The following ATXN10 variants were observed in gnomAD, a reference collection of about 807,000 sequenced individuals.
ATXN10 encodes the protein ataxin-10.
ATXN10 carries 28 observed loss-of-function variants against 52.9 expected under a neutral mutation model. That is an observed-to-expected ratio of 0.53 (90% CI 0.39 to 0.73). The LOEUF (loss-of-function observed/expected upper bound fraction) is 0.73, where lower values mean the gene tolerates loss of function less well. ATXN10 is among the 30% of genes least tolerant of loss of function. The probability of loss-of-function intolerance (pLI) is 0.00; values close to 1 mark genes in which losing one functional copy is unlikely to be tolerated. For synonymous variants in ATXN10, 226 were observed against 221.5 expected, an observed-to-expected ratio of 1.02 and a Z score of -0.18; for missense variants, 565 against 577.0, an observed-to-expected ratio of 0.98 and a Z score of 0.21.
rs192349761 is a variant in ATXN10 at position 45,727,975 on chromosome 22, C to G, written c.729-1450C>G. ...CCTTTACTTTGATTCTGTAAGATTCCTTATGTTTTAGGTGAGTCTCTTGAA... is the reference window on the plus strand; with the variant it reads ...CCTTTACTTTGATTCTGTAAGATTCGTTATGTTTTAGGTGAGTCTCTTGAA... On this transcript the variant is annotated intron_variant, in intron 6 of 11. Coordinates refer to ENST00000252934, the MANE Select transcript of ATXN10 (RefSeq NM_013236.4). The surrounding 1 kb of genome is among the most constrained non-coding windows in gnomAD (Gnocchi z 4.6). Among the ~76,000 whole-genome samples the G allele has an allele frequency of 4.8e-4, 72 of 151,372 alleles. No homozygotes were observed. Among genetic ancestry groups the G allele is most frequent in the African/African-American group, 1.7e-3 (69 of 41,268 alleles).
chr22:45,753,812 C>G (rs575699008), intron 9 of ATXN10, among the ~76,000 whole-genome samples: 9 of 152,290 alleles, frequency 5.9e-5, no homozygotes, highest in African/African-American at 1.4e-4. Context: ...CCCTGGTCCC[C>G]CACTGAGATG....
intron 3 of ATXN10, among the ~76,000 whole-genome samples, chr22:45,697,078 C>G (rs150597579): frequency 2.6e-5 from 4 of 152,210 alleles, no homozygotes; most frequent in African/African-American, 9.6e-5. Context: ...AGTGAACAAT[C>G]GAGTGGCATT....
intron 5 of ATXN10, among the ~76,000 whole-genome samples, chr22:45,707,462 TA>T (rs1210626267): frequency 1.3e-5 from 2 of 152,130 alleles, no homozygotes; most frequent in East Asian, 3.8e-4. Flanking sequence ...TATGCAAATG[TA>T]ACATGACAGG....
rs80015751 is a variant in ATXN10, at chr22:45,756,362, C to T, written c.1173+15824C>T. 3.6e-3 allele frequency among the ~76,000 whole-genome samples: 544 copies of T among 152,200 alleles called. 3 individuals are homozygous for T. The highest frequency in any genetic ancestry group is 6.4e-3 in the Non-Finnish European group (438 of 68,006). ...GTCTTGCTGTGTTGCCTAGGCTAAT[C>T]TCGAGCCCCTGGGCTCGAGTGATCT... On this transcript the variant is annotated intron_variant, in intron 9 of 11. Coordinates refer to ENST00000252934, the MANE Select transcript of ATXN10 (RefSeq NM_013236.4).
In ATXN10 at chr22:45,766,616, A is replaced by G. The variant is rs911250573; in HGVS notation, c.1173+26078A>G. 6.6e-6 allele frequency among the ~76,000 whole-genome samples: 1 copy of G among 152,230 alleles called. No homozygotes were observed. Among genetic ancestry groups the G allele is most frequent in the African/African-American group, 2.4e-5 (1 of 41,466 alleles). Reference sequence around the variant, plus strand: ...ATGCAAGTATTAGGAGAAAACATGAATGAGTTCCGTTATATAACCTCCGAG... The same window carrying G: ...ATGCAAGTATTAGGAGAAAACATGAGTGAGTTCCGTTATATAACCTCCGAG... On this transcript the variant is annotated intron_variant, in intron 9 of 11. Coordinates refer to ENST00000252934, the MANE Select transcript of ATXN10 (RefSeq NM_013236.4). The surrounding 1 kb of genome is among the most constrained non-coding windows in gnomAD (Gnocchi z 4.6).
chr22:45,740,214 G>A (rs368037711), intron 8 of ATXN10, 155 bp from the exon 9 acceptor site: 1 of 726,644 alleles, frequency 1.4e-6, no homozygotes, highest in Non-Finnish European at 2.2e-6. Flanking sequence ...TTGAAGCAAA[G>A]GCAGAAGAGC....
chr22:45,727,331 A>ATCTATCTATC lies in ATXN10; in HGVS notation c.729-2093_729-2092insCTATCTATCT, dbSNP rs1555890579. ...GTTCTGTCTGTCTGTCTATCTATCT[A>ATCTATCTATC]TATCTATCTATCTATCTATCTATCT... is the stretch of plus-strand genomic sequence containing the variant. On this transcript the variant is annotated intron_variant, in intron 6 of 11. Transcript: ENST00000252934. This position sits in a 1 kb window ranked among gnomAD's most constrained non-coding sequence, Gnocchi z 4.6. Among the ~76,000 whole-genome samples the ATCTATCTATC allele has an allele frequency of 6.8e-6, 1 of 146,678 alleles. No homozygotes were observed. Among genetic ancestry groups the ATCTATCTATC allele is most frequent in the Non-Finnish European group, 1.5e-5 (1 of 66,928 alleles).
At chr22:45,802,393 G>T (rs1431608238) in intron 9 of ATXN10, among the ~76,000 whole-genome samples, 1 of 152,204 alleles carries the variant, frequency 6.6e-6, no homozygotes, top group Non-Finnish European at 1.5e-5. Flanking sequence ...CTTGACACTT[G>T]TAGTTATAGC....
At position 45,795,648 on chromosome 22, in the gene ATXN10, G is replaced by C. The variant is rs1927708532; in HGVS notation, c.1174-11311G>C. On this transcript the variant is annotated intron_variant, in intron 9 of 11. Coordinates refer to ENST00000252934, the MANE Select transcript of ATXN10 (RefSeq NM_013236.4). The surrounding 1 kb of genome is among the most constrained non-coding windows in gnomAD (Gnocchi z 4.6). ...GAACGGAGGGACTGGCTGAAGCCAT[G>C]GCAGAAGAACATAAATTGTTAAGAT... Among the ~76,000 whole-genome samples the C allele has an allele frequency of 6.6e-6, 1 of 152,124 alleles. No homozygotes were observed. Among genetic ancestry groups the C allele is most frequent in the African/African-American group, 2.4e-5 (1 of 41,434 alleles).
At position 45,842,546 on chromosome 22, in the gene ATXN10, G is replaced by A. The variant is rs190890348; in HGVS notation, c.1238-445G>A. 6.6e-5 allele frequency among the ~76,000 whole-genome samples: 10 copies of A among 152,246 alleles called. No individual in the cohort carries two copies. In the East Asian group the frequency reaches 1.9e-3, roughly 29 times the overall value. On this transcript the variant is annotated intron_variant, in intron 10 of 11. Coordinates refer to ENST00000252934, the MANE Select transcript of ATXN10 (RefSeq NM_013236.4). This position sits in a 1 kb window ranked among gnomAD's most constrained non-coding sequence, Gnocchi z 4.8. The stretch of plus-strand genomic sequence containing the variant: ...ATGATTTTCCTGATTCTAACCTGAC[G>A]TCTTTGTGACTGATTCTTTAGTGCT...
At chr22:45,729,983 G>A (rs1436431437) in intron 7 of ATXN10, among the ~76,000 whole-genome samples, 1 of 152,112 alleles carries the variant, frequency 6.6e-6, no homozygotes, top group Non-Finnish European at 1.5e-5. Context: ...TATGTATATG[G>A]TAGGCACTGA....
At chr22:45,793,661 G>A (rs754139316) in intron 9 of ATXN10, 2 of 1,416,674 alleles carry the variant, frequency 1.4e-6, no homozygotes, top group South Asian at 1.9e-5. Context: ...GGATGCAGGT[G>A]CCACAGCATC....
chr22:45,738,707 A>G, intron 7 of ATXN10, 24 bp from the exon 8 acceptor site: 1 of 1,572,132 alleles, frequency 6.4e-7, no homozygotes, highest in Non-Finnish European at 8.8e-7. Flanking sequence ...TATGCTAAAA[A>G]GTTATGTTTT....
intron 1 of ATXN10, among the ~76,000 whole-genome samples, chr22:45,686,195 C>CAA (rs1194316815): frequency 1.3e-5 from 2 of 152,186 alleles, no homozygotes; most frequent in African/African-American, 2.4e-5. Flanking sequence ...GCTCTGAGCA[C>CAA]AAGCTCTGTA....
chr22:45,680,551 G>A (rs1922879852), intron 1 of ATXN10, among the ~76,000 whole-genome samples: 1 of 151,490 alleles, frequency 6.6e-6, no homozygotes, highest in African/African-American at 2.4e-5. Flanking sequence ...TTGTTTTTTT[G>A]AGATAGGGTC....
At chr22:45,767,727 G>T (rs1926636642) in intron 9 of ATXN10, among the ~76,000 whole-genome samples, 1 of 152,106 alleles carries the variant, frequency 6.6e-6, no homozygotes, top group Non-Finnish European at 1.5e-5. Context: ...AGAAAAGGAA[G>T]GAAGGAATCT....
Position 45,718,358 on chromosome 22 carries a change from A to C in ATXN10, c.648-55A>C. ...TGGTGCCTATAAAGTAGATAAGGGC[A>C]TGTCTCTTTTACTATGTTTCAAGTA... On this transcript the variant is annotated intron_variant, in intron 5 of 11. Coordinates refer to ENST00000252934, the MANE Select transcript of ATXN10 (RefSeq NM_013236.4). The surrounding 1 kb of genome is among the most constrained non-coding windows in gnomAD (Gnocchi z 4.4). 1 of 1,311,468 alleles carries C rather than the reference A, an allele frequency of 7.6e-7. No homozygotes were observed. The allele number at this position is 1,311,468 out of a possible 1,614,324, so 81.2% of individuals were successfully genotyped here.
At position 45,772,241 on chromosome 22, in the gene ATXN10, G is replaced by A. The variant is rs970281657; in HGVS notation, c.1173+31703G>A. On this transcript the variant is annotated intron_variant, in intron 9 of 11. Coordinates refer to ENST00000252934, the MANE Select transcript of ATXN10 (RefSeq NM_013236.4). The surrounding 1 kb of genome is among the most constrained non-coding windows in gnomAD (Gnocchi z 4.1). ...TTAGATCTAGGATCCATTTGAGTTA[G>A]TCTCTCTATAAGGTGTGAGGGTTAG... 6.6e-5 allele frequency among the ~76,000 whole-genome samples: 10 copies of A among 152,072 alleles called. No homozygotes were observed. The highest frequency in any genetic ancestry group is 1.3e-4 in the Non-Finnish European group (9 of 68,032).
chr22:45,822,059 T>C (rs1237574173), intron 10 of ATXN10, among the ~76,000 whole-genome samples: 1 of 152,226 alleles, frequency 6.6e-6, no homozygotes, highest in African/African-American at 2.4e-5. Context: ...ATTGGCCGTC[T>C]TTGAAGTTCA....
Sources: allele counts gnomAD v4.1 joint callset (sites outside exome capture counted in the v4.1 genomes callset), GRCh38; gene constraint gnomAD v4.1.1; non-coding constraint Gnocchi (gnomAD v3.1); transcripts MANE v1.5; gene names NCBI Gene and HGNC (gene_info 2026-07-23, HGNC 2026-07-21).